DCAF6: variants seen among roughly 807,000 people sequenced by gnomAD.
DCAF6 encodes DDB1 and CUL4 associated factor 6.
A neutral mutation model predicts 125.1 loss-of-function variants in DCAF6; 54 were observed. The observed-to-expected ratio is 0.43, with a 90% CI of 0.35 to 0.54. The LOEUF (loss-of-function observed/expected upper bound fraction) is 0.54, where lower values mean the gene tolerates loss of function less well. DCAF6 is among the 20% of genes least tolerant of loss of function. The pLI, the probability that DCAF6 is intolerant of heterozygous loss-of-function variation, is 0.01. For missense variants in DCAF6, 934 were observed against 1,161.7 expected (o/e 0.80, Z 2.85); for synonymous variants, 371 against 390.4 (o/e 0.95, Z 0.58).
chr1:167,879,966 G>A, the DCAF6 span: 3 of 717,154 alleles, frequency 4.2e-6, no homozygotes, highest in East Asian at 2.7e-5. Context: ...AGCATTGAGG[G>A]CTCCATGGCT....
rs1287026364 is a variant in DCAF6 at position 167,956,010 on chromosome 1, C to T, written c.159+4149C>T. Among the ~76,000 whole-genome samples the T allele has an allele frequency of 3.3e-5, 5 of 152,326 alleles. No homozygotes were observed. The East Asian group carries it at 9.6e-4, about 29-fold the overall frequency. ...CCTGGGCTCAAGTGATACCTCCCAC[C>T]TCAACCTCCCAAAGCAAAGTGCTGG... On this transcript the variant is annotated intron_variant, in intron 2 of 21. Transcript: ENST00000367840.
the DCAF6 span, among the ~76,000 whole-genome samples, chr1:167,907,015 T>C: frequency 6.6e-6 from 1 of 152,310 alleles, no homozygotes; most frequent in African/African-American, 2.4e-5. Flanking sequence ...TTGAAAAGTA[T>C]AACAAGCATT....
intron 12 of DCAF6, among the ~76,000 whole-genome samples, chr1:168,030,643 G>A (rs1413428174): frequency 1.3e-5 from 2 of 152,188 alleles, no homozygotes; most frequent in African/African-American, 2.4e-5. Flanking sequence ...GGACTTGGTG[G>A]TAGATTGAAT....
Position 167,974,906 on chromosome 1 carries a change from A to G in DCAF6, c.329A>G (p.Gln110Arg), listed in dbSNP as rs1677904977. The G allele has an allele frequency of 6.8e-6, 11 of 1,608,366 alleles. No homozygotes were observed. Among genetic ancestry groups the G allele is most frequent in the Non-Finnish European group, 9.3e-6 (11 of 1,177,322 alleles). The change falls in exon 4 of 22, where the codon CAG (glutamine) becomes CGG (arginine). Residue 110 changes from glutamine to arginine, a missense_variant. Physicochemically the swap from Gln to Arg is conservative, Grantham distance 43. Around this residue, in one of 5 missense-constraint regions of DCAF6, gnomAD observed 309 missense variants for 381.2 expected, o/e 0.81. Transcript: ENST00000367840. The stretch of plus-strand genomic sequence containing the variant: ...TTCTTACCTTGTACAAATGATAAAC[A>G]GATTGTATCCTGCTCTGGAGATGGA... Reference protein sequence around the residue: ...AKFLPCTNDKQIVSCSGDGVI... With the variant: ...AKFLPCTNDKRIVSCSGDGVI...
At chr1:167,985,925 G>A (rs1488130985) in intron 4 of DCAF6, among the ~76,000 whole-genome samples, 3 of 152,098 alleles carry the variant, frequency 2.0e-5, no homozygotes, top group Non-Finnish European at 2.9e-5. Flanking sequence ...AAAAGTACAG[G>A]TTAGTTTGGG....
the DCAF6 span, among the ~76,000 whole-genome samples, chr1:167,882,018 G>A: frequency 9.9e-5 from 15 of 152,280 alleles, no homozygotes; most frequent in Admixed American, 4.6e-4. Flanking sequence ...CTAGCTTTTC[G>A]TCTTCTATGA....
At chr1:167,924,338 A>G in the DCAF6 span, 2 of 527,644 alleles carry the variant, frequency 3.8e-6, no homozygotes, top group African/African-American at 4.0e-5. Context: ...TAGTTGCTTT[A>G]TGTAGAAAAC....
the DCAF6 span, among the ~76,000 whole-genome samples, chr1:167,923,368 A>C: frequency 6.6e-6 from 1 of 151,744 alleles, no homozygotes; most frequent in Admixed American, 6.5e-5. Flanking sequence ...TTCAGCATTA[A>C]AAAGAAAGGA....
At chr1:167,875,044 T>A in the DCAF6 span, 1 of 1,089,566 alleles carries the variant, frequency 9.2e-7, no homozygotes, top group Non-Finnish European at 1.4e-6. Flanking sequence ...GATAATTCAT[T>A]AAGCTGCACA....
chr1:167,975,841 C>A lies in DCAF6; in HGVS notation c.438+826C>A, dbSNP rs548541483. Among the ~76,000 whole-genome samples, 6 of 152,296 alleles carry A rather than the reference C, an allele frequency of 3.9e-5. No homozygotes were observed. In the South Asian group the frequency reaches 1.0e-3, roughly 26 times the overall value. On this transcript the variant is annotated intron_variant, in intron 4 of 21. Coordinates refer to ENST00000367840, the MANE Select transcript of DCAF6 (RefSeq NM_001198956.2). ...GTGCCAAGGTTATAGATGTGAGCCA[C>A]TGTACTAGCCTCCAGAGTGTTCTTC...
chr1:168,042,379 A>G (rs1468236322), intron 13 of DCAF6, among the ~76,000 whole-genome samples: 1 of 152,046 alleles, frequency 6.6e-6, no homozygotes, highest in Non-Finnish European at 1.5e-5. Flanking sequence ...CTTATTGAAA[A>G]TTATTTCTTT....
At chr1:167,951,920 G>T in intron 2 of DCAF6, 59 bp downstream of exon 2, 1 of 1,126,984 alleles carries the variant, frequency 8.9e-7, no homozygotes, top group South Asian at 1.4e-5. Context: ...TTAAGTGTTT[G>T]ATGAAATGTC....
intron 10 of DCAF6, among the ~76,000 whole-genome samples, chr1:168,010,945 A>T (rs1170821316): frequency 6.6e-6 from 1 of 151,876 alleles, no homozygotes; most frequent in Admixed American, 6.6e-5. Flanking sequence ...CTTTGGTTTC[A>T]TTTTAACCTA....
intron 20 of DCAF6, among the ~76,000 whole-genome samples, chr1:168,067,424 A>C (rs929270724): frequency 3.9e-5 from 6 of 152,126 alleles, no homozygotes; most frequent in Non-Finnish European, 7.4e-5. Context: ...AGCTGTTTGT[A>C]AATGGGGTAG....
At chr1:168,018,228 A>T (rs1367493830) in intron 11 of DCAF6, among the ~76,000 whole-genome samples, 1 of 152,182 alleles carries the variant, frequency 6.6e-6, no homozygotes, top group African/African-American at 2.4e-5. Context: ...CCCAGATGGA[A>T]TATTATCTAT....
chr1:168,049,377 G>C (rs1689550924), intron 16 of DCAF6, among the ~76,000 whole-genome samples: 1 of 151,384 alleles, frequency 6.6e-6, no homozygotes, highest in Non-Finnish European at 1.5e-5. Flanking sequence ...CAAGTAGCTG[G>C]GATTACAGGT....
the DCAF6 span, chr1:167,899,721 C>T: frequency 3.3e-6 from 4 of 1,201,138 alleles, no homozygotes; most frequent in Non-Finnish European, 4.8e-6. Flanking sequence ...CTTGGTGGGA[C>T]TATACTATCT....
chr1:167,872,766 A>G, the DCAF6 span, among the ~76,000 whole-genome samples: 1 of 149,492 alleles, frequency 6.7e-6, no homozygotes, highest in Non-Finnish European at 1.5e-5. Flanking sequence ...GGGCAACTAG[A>G]TCAGACTGAG....
At chr1:167,939,576 A>G (rs539545962) in intron 1 of DCAF6, among the ~76,000 whole-genome samples, 1 of 152,280 alleles carries the variant, frequency 6.6e-6, no homozygotes, top group African/African-American at 2.4e-5. Flanking sequence ...GGCCTGGCCA[A>G]CATGGTGAAA....
Sources: gnomAD v4.1 joint callset for allele counts (sites outside exome capture counted in the v4.1 genomes callset) on GRCh38, gnomAD v4.1.1 for gene constraint, gnomAD v4.1.1 regional missense constraint, MANE v1.5 for transcripts, NCBI Gene and HGNC (gene_info 2026-07-23, HGNC 2026-07-21) for gene names.